HMCN2: variants seen among roughly 807,000 people sequenced by gnomAD.
HMCN2 encodes hemicentin-2.
Under a neutral mutation model 377.5 loss-of-function variants are expected in HMCN2, and 325 were observed. The observed-to-expected ratio is 0.86, with a 90% confidence interval of 0.79 to 0.94. The LOEUF is 0.94. HMCN2 is among the 40% of genes least tolerant of loss of function. HMCN2 has a pLI of 0.00. For synonymous variants in HMCN2, 2,007 were observed against 2,046.8 expected, an observed-to-expected ratio of 0.98 and a Z score of 0.53; for missense variants, 4,543 against 4,725.3, an observed-to-expected ratio of 0.96 and a Z score of 1.13.
intron 24 of HMCN2, among the ~76,000 whole-genome samples, chr9:130,342,035 A>ATAAATAAAT: frequency 6.7e-6 from 1 of 149,160 alleles, no homozygotes; most frequent in East Asian, 1.9e-4. Context: ...AAATAAATAA[A>ATAAATAAAT]TAAATAAATA....
In HMCN2 at chr9:130,384,549, G is replaced by GTAAAC. The variant is rs1254297020; in HGVS notation, c.8992+16_8992+17insAAACT. ...CCTCCTGCCTGGTGGGTAAACTGAG[G>GTAAAC]TGTCCGGCCCAGCTCTAAGGTTACA... On this transcript the variant is annotated intron_variant, in intron 58 of 97. Coordinates refer to ENST00000683500, the MANE Select transcript of HMCN2 (RefSeq NM_001291815.2). 3.1e-6 allele frequency: 4 copies of GTAAAC among 1,304,228 alleles called. 1 individual carries two copies. In the South Asian group the frequency reaches 4.9e-5, roughly 16 times the overall value. The allele number at this position is 1,304,228 out of a possible 1,614,324, so 80.8% of individuals were successfully genotyped here.
chr9:130,276,642 C>G (rs532698734), intron 1 of HMCN2, among the ~76,000 whole-genome samples: 2 of 152,144 alleles, frequency 1.3e-5, no homozygotes, highest in African/African-American at 4.8e-5. Context: ...GGTTCTGGAG[C>G]CATTTTGGCT....
At chr9:130,337,567 C>T (rs966102458) in intron 22 of HMCN2, among the ~76,000 whole-genome samples, 7 of 152,226 alleles carry the variant, frequency 4.6e-5, no homozygotes, top group Non-Finnish European at 1.0e-4. Flanking sequence ...CTTAGCATGC[C>T]CATTTTACAG....
chr9:130,331,475 C>G (rs1475402915), intron 22 of HMCN2, among the ~76,000 whole-genome samples: 1 of 151,958 alleles, frequency 6.6e-6, no homozygotes, highest in Non-Finnish European at 1.5e-5. Context: ...TATCCTATGC[C>G]CAGGATTGTG....
chr9:130,337,379 G>A (rs1432881205), intron 22 of HMCN2, among the ~76,000 whole-genome samples: 1 of 152,146 alleles, frequency 6.6e-6, no homozygotes, highest in Non-Finnish European at 1.5e-5. Flanking sequence ...CCTGGCACCA[G>A]ACCAGAGGGC....
At chr9:130,403,430 T>C in intron 79 of HMCN2, 102 bp downstream of exon 79, 5 of 1,206,056 alleles carry the variant, frequency 4.1e-6, no homozygotes, top group Non-Finnish European at 5.4e-6. Context: ...GCAGACCTGC[T>C]GAGAGGTCCT....
At position 130,429,612 on chromosome 9, in the gene HMCN2, G is replaced by A. The variant is rs563646425; in HGVS notation, c.14253G>A (p.Glu4751=). The A allele has an allele frequency of 1.5e-4, 228 of 1,550,232 alleles. No homozygotes were observed. In the African/African-American group the frequency reaches 2.9e-3, roughly 20 times the overall value. The change falls in exon 94 of 98, where the codon GAG becomes GAA. Residue 4751 remains glutamate, a synonymous_variant. Coordinates refer to ENST00000683500, the MANE Select transcript of HMCN2 (RefSeq NM_001291815.2). ...LDDCHYNQLC[E]NTPGGHRCSC... Reference sequence around the variant, plus strand: ...ACTGTCACTACAACCAGCTCTGCGAGAACACCCCAGGCGGTCACCGCTGCA... The same window carrying A: ...ACTGTCACTACAACCAGCTCTGCGAAAACACCCCAGGCGGTCACCGCTGCA...
chr9:130,375,985 G>A lies in HMCN2; in HGVS notation c.7914G>A (p.Val2638=), dbSNP rs1841355710. The A allele has an allele frequency of 2.0e-6, 2 of 985,338 alleles. No homozygotes were observed. Among genetic ancestry groups the A allele is most frequent in the Non-Finnish European group, 2.4e-6 (2 of 829,604 alleles). 61.0% of individuals were successfully genotyped at this position (985,338 alleles called of 1,614,324 possible). A position where few individuals can be genotyped will look rare whatever the true frequency, so the allele number is the denominator to read the frequency against. The change falls in exon 51 of 98, where the codon GTG becomes GTA. Residue 2638 remains valine (V), a synonymous_variant. Coordinates refer to ENST00000683500, the MANE Select transcript of HMCN2 (RefSeq NM_001291815.2). Reference sequence around the variant, plus strand: ...CCGTGAAAAACTACCATGTGGAAGTGCTCAGTGAGTCGGGGACCCTGGGGC... The same window carrying A: ...CCGTGAAAAACTACCATGTGGAAGTACTCAGTGAGTCGGGGACCCTGGGGC... ...GEAVKNYHVE[V]LIPPSISKDD...
chr9:130,425,965 TA>T, intron 90 of HMCN2, 41 bp downstream of exon 90: 2 of 1,448,158 alleles, frequency 1.4e-6, no homozygotes. Flanking sequence ...CTGCCCCAGC[TA>T]AAACCTGCCA....
In HMCN2 at chr9:130,394,653, G is replaced by T. The variant is rs1457991219; in HGVS notation, c.10692+78G>T. 7.9e-6 allele frequency: 9 copies of T among 1,135,110 alleles called. No individual in the cohort carries two copies. Among genetic ancestry groups the T allele is most frequent in the Non-Finnish European group, 9.1e-6 (8 of 878,964 alleles). The allele number at this position is 1,135,110 out of a possible 1,614,324, so 70.3% of individuals were successfully genotyped here. A position where few individuals can be genotyped will look rare whatever the true frequency, so the allele number is the denominator to read the frequency against. On this transcript the variant is annotated intron_variant, in intron 69 of 97. Coordinates refer to ENST00000683500, the MANE Select transcript of HMCN2 (RefSeq NM_001291815.2). This position sits in a 1 kb window ranked among gnomAD's most constrained non-coding sequence, Gnocchi z 5.1. Reference sequence around the variant, plus strand: ...GACTGCAGGTTCCCCAGACCCAGTGGGCAGTTGACAAAGTTGGGCTGAAGC... The same window carrying T: ...GACTGCAGGTTCCCCAGACCCAGTGTGCAGTTGACAAAGTTGGGCTGAAGC...
At chr9:130,345,673 G>T (rs1003045249) in intron 25 of HMCN2, among the ~76,000 whole-genome samples, 3,434 of 151,850 alleles carry the variant, frequency 0.023, 45 homozygotes, top group Middle Eastern at 0.044. Flanking sequence ...GGGAGTGGGG[G>T]TAGCAGCCCC....
At chr9:130,339,362 G>A (rs74209916) in intron 23 of HMCN2, among the ~76,000 whole-genome samples, 46,028 of 152,044 alleles carry the variant, frequency 0.3, 7,742 homozygotes, top group African/African-American at 0.46. Context: ...GACTCTTTAC[G>A]GAAAAAATGT....
chr9:130,304,236 T>TG lies in HMCN2; in HGVS notation c.1544-493dup, dbSNP rs1173212827. Among the ~76,000 whole-genome samples the TG allele has an allele frequency of 6.6e-6, 1 of 152,232 alleles. No homozygotes were observed. The highest frequency in any genetic ancestry group is 1.5e-5 in the Non-Finnish European group (1 of 68,044). ...GTTTTTTTCTATGTTCAGCAGTCTC[T>TG]GATCTTGCCACTTCTTGTGGCTTTT... On this transcript the variant is annotated intron_variant, in intron 10 of 97. Coordinates refer to ENST00000683500, the MANE Select transcript of HMCN2 (RefSeq NM_001291815.2). This position sits in a 1 kb window ranked among gnomAD's most constrained non-coding sequence, Gnocchi z 4.3.
In HMCN2 at chr9:130,393,671, G is replaced by A. The variant is rs893097337; in HGVS notation, c.10235-71G>A. ...AGGGCGGCTTCCTGGAAGAGGTGATGTCTAAGCTGAGTACTGGAGATGAGA... is the reference window on the plus strand; with the variant it reads ...AGGGCGGCTTCCTGGAAGAGGTGATATCTAAGCTGAGTACTGGAGATGAGA... On this transcript the variant is annotated intron_variant, in intron 67 of 97. Transcript: ENST00000683500. The surrounding 1 kb of genome is among the most constrained non-coding windows in gnomAD (Gnocchi z 5.2). 3 of 1,186,782 alleles carry A rather than the reference G, an allele frequency of 2.5e-6. No individual in the cohort carries two copies. Among genetic ancestry groups the A allele is most frequent in the Non-Finnish European group, 3.2e-6 (3 of 938,676 alleles). 73.5% of individuals were successfully genotyped at this position (1,186,782 alleles called of 1,614,324 possible). A position where few individuals can be genotyped will look rare whatever the true frequency, so the allele number is the denominator to read the frequency against.
At chr9:130,329,973 C>T (rs1210422490) in intron 22 of HMCN2, among the ~76,000 whole-genome samples, 1 of 151,612 alleles carries the variant, frequency 6.6e-6, no homozygotes, top group Non-Finnish European at 1.5e-5. Context: ...CTCCCCTCCC[C>T]CCCTTCCCTA....
chr9:130,431,839 G>T (rs1844777722), intron 96 of HMCN2, among the ~76,000 whole-genome samples: 1 of 152,230 alleles, frequency 6.6e-6, no homozygotes, highest in Non-Finnish European at 1.5e-5. Context: ...CAGATAGCTG[G>T]GATGAGAGCT....
intron 3 of HMCN2, among the ~76,000 whole-genome samples, chr9:130,285,946 T>C (rs2131280845): frequency 6.6e-6 from 1 of 152,320 alleles, no homozygotes. Context: ...CAGTTCCCAA[T>C]ATGGAGCACC....
intron 4 of HMCN2, among the ~76,000 whole-genome samples, chr9:130,288,165 C>A (rs1835523337): frequency 6.6e-6 from 1 of 152,196 alleles, no homozygotes; most frequent in Non-Finnish European, 1.5e-5. Context: ...AGACACAGGG[C>A]AGCTGGGCAG....
chr9:130,390,289 G>A (rs1167972194), intron 62 of HMCN2, among the ~76,000 whole-genome samples: 3 of 152,084 alleles, frequency 2.0e-5, no homozygotes, highest in Non-Finnish European at 4.4e-5. Context: ...CTCCATCAGG[G>A]GCTCACAGGG....
Sources: allele counts gnomAD v4.1 joint callset (sites outside exome capture counted in the v4.1 genomes callset), GRCh38; gene constraint gnomAD v4.1.1; non-coding constraint Gnocchi (gnomAD v3.1); transcripts MANE v1.5; gene names NCBI Gene and HGNC (gene_info 2026-07-23, HGNC 2026-07-21).